The following THRA variants were observed in gnomAD, a reference collection of about 807,000 sequenced individuals.
THRA encodes the protein EAR-7.
In THRA, 13 loss-of-function variants were observed where a neutral mutation model predicts 45.0. The ratio of observed to expected loss-of-function variants is 0.29; its 90% CI spans 0.19 to 0.46. The LOEUF is 0.46. Ranked by LOEUF, THRA falls within the 20% of genes least tolerant of loss-of-function variation. The pLI, the probability that THRA is intolerant of heterozygous loss-of-function variation, is 1.00. For missense variants in THRA, 278 were observed against 556.1 expected, an observed-to-expected ratio of 0.50 and a Z score of 5.03; for synonymous variants, 195 against 214.0, an observed-to-expected ratio of 0.91 and a Z score of 0.78.
At chr17:40,068,461 C>T (rs1327258424) in intron 1 of THRA, among the ~76,000 whole-genome samples, 1 of 152,194 alleles carries the variant, frequency 6.6e-6, no homozygotes, top group African/African-American at 2.4e-5. Flanking sequence ...GTGGTGGGGG[C>T]ACATGTGGTT....
intron 2 of THRA, among the ~76,000 whole-genome samples, chr17:40,074,885 T>C (rs1986897146): frequency 6.6e-6 from 1 of 152,220 alleles, no homozygotes; most frequent in South Asian, 2.1e-4. Context: ...GCCTTGCCAT[T>C]TTCTTCCTCT....
chr17:40,089,725 TCTCAGAA>T lies in THRA; in HGVS notation c.*270_*276del, dbSNP rs1483219281. ...TCCTGCAGTTCCCAGGACCCCATCC[TCTCAGAA>T]GGTAGGGGAAGGGCGGGAGGATTGA... On this transcript the variant is annotated 3_prime_UTR_variant, in exon 9 of 9. Transcript: ENST00000450525. This position sits in a 1 kb window ranked among gnomAD's most constrained non-coding sequence, Gnocchi z 6.1. 7.6e-6 allele frequency: 10 copies of T among 1,312,968 alleles called. No individual in the cohort carries two copies. The highest frequency in any genetic ancestry group is 1.5e-5 in the African/African-American group (1 of 67,056). The allele number at this position is 1,312,968 out of a possible 1,614,324, so 81.3% of individuals were successfully genotyped here.
At chr17:40,081,032 A>G (rs1987120171) in intron 4 of THRA, among the ~76,000 whole-genome samples, 1 of 151,426 alleles carries the variant, frequency 6.6e-6, no homozygotes, top group Non-Finnish European at 1.5e-5. Flanking sequence ...GCCTTTGGTG[A>G]TTTTAATGCC....
chr17:40,065,476 T>G (rs1047237850), intron 1 of THRA, among the ~76,000 whole-genome samples: 2 of 152,180 alleles, frequency 1.3e-5, no homozygotes, highest in Admixed American at 6.5e-5. Flanking sequence ...TTGCAGTGTC[T>G]GATTCTCCCT....
rs891263740 is a variant in THRA at position 40,084,551 on chromosome 17, C to G, written c.371-59C>G. On this transcript the variant is annotated intron_variant, in intron 5 of 8. Transcript: ENST00000450525. ...CTCTAGGAAGAGTAGTTTCCGGGAG[C>G]ATTATGGAAAGGGGATGGAGGGTGC... 59 of 1,576,044 alleles carry G rather than the reference C, an allele frequency of 3.7e-5. No homozygotes were observed. In the African/African-American group the frequency reaches 8.0e-4, roughly 21 times the overall value.
At chr17:40,087,046 G>GACACATACACGGAC in intron 7 of THRA, 193 bp downstream of exon 7, 1 of 653,840 alleles carries the variant, frequency 1.5e-6, no homozygotes, top group Non-Finnish European at 2.5e-6. Flanking sequence ...CACACATGCA[G>GACACATACACGGAC]ACACATACAC....
chr17:40,084,852 G>A (rs145316838), intron 6 of THRA, 37 bp downstream of exon 6: 517 of 1,608,340 alleles, frequency 3.2e-4, no homozygotes, highest in Non-Finnish European at 4.2e-4. Context: ...GCAGTAGCCA[G>A]GTGGCAGGGA....
chr17:40,072,519 G>T (rs572945686), intron 1 of THRA, among the ~76,000 whole-genome samples: 1 of 152,218 alleles, frequency 6.6e-6, no homozygotes, highest in African/African-American at 2.4e-5. Flanking sequence ...CCACAGCCAG[G>T]GTGTGCCAAG....
chr17:40,089,572 T>C lies in THRA; in HGVS notation c.*116T>C. 1.4e-6 allele frequency: 2 copies of C among 1,472,200 alleles called. No homozygotes were observed. The highest frequency in any genetic ancestry group is 1.8e-6 in the Non-Finnish European group (2 of 1,115,964). 91.2% of individuals were successfully genotyped at this position (1,472,200 alleles called of 1,614,324 possible). A position where few individuals can be genotyped will look rare whatever the true frequency, so the allele number is the denominator to read the frequency against. On this transcript the variant is annotated 3_prime_UTR_variant, in exon 9 of 9. Transcript: ENST00000450525. The surrounding 1 kb of genome is among the most constrained non-coding windows in gnomAD (Gnocchi z 6.1). ...CCCCTTCTCTCCTTCCTCTCGTCCT[T>C]GGATAGATTCAGCTCCCACACACAC...
At chr17:40,082,658 G>A (rs1469671166) in intron 4 of THRA, among the ~76,000 whole-genome samples, 2 of 151,964 alleles carry the variant, frequency 1.3e-5, no homozygotes, top group African/African-American at 4.8e-5. Flanking sequence ...CACCGCGCCC[G>A]GCCAAGGGGT....
chr17:40,088,197 G>A lies in THRA; in HGVS notation c.724-45G>A, dbSNP rs576623841. The A allele has an allele frequency of 1.3e-5, 20 of 1,545,960 alleles. No homozygotes were observed. The African/African-American group carries it at 1.9e-4, about 15-fold the overall frequency. On this transcript the variant is annotated intron_variant, in intron 7 of 8. Transcript: ENST00000450525. ...CACTCTAGGGGAGACTCAAGGACGC[G>A]GGGAGGGGTATGCTGAGTGCTCCTG...
At chr17:40,088,606 A>T in intron 8 of THRA, 106 bp downstream of exon 8, 1 of 1,413,472 alleles carries the variant, frequency 7.1e-7, no homozygotes, top group Non-Finnish European at 9.6e-7. Context: ...CTTCTGGGCT[A>T]CCTCTCTGTC....
At chr17:40,076,511 T>C (rs1986959117) in intron 2 of THRA, among the ~76,000 whole-genome samples, 1 of 152,208 alleles carries the variant, frequency 6.6e-6, no homozygotes, top group African/African-American at 2.4e-5. Context: ...TATGTGTGTG[T>C]TCTAAAGGCT....
chr17:40,071,848 G>A (rs1875647022), intron 1 of THRA, among the ~76,000 whole-genome samples: 2 of 152,182 alleles, frequency 1.3e-5, no homozygotes, highest in African/African-American at 4.8e-5. Context: ...AAAGGCCCAA[G>A]TGTGTCCCTG....
chr17:40,084,054 C>T, intron 5 of THRA, 72 bp downstream of exon 5: 5 of 1,508,446 alleles, frequency 3.3e-6, no homozygotes, highest in Non-Finnish European at 4.5e-6. Flanking sequence ...GGGCAGCTTC[C>T]TTCCAGGGTA....
At chr17:40,093,016 A>AAAGGAGAGAG, downstream of THRA, 2 of 1,607,206 alleles carry the variant, frequency 1.2e-6, no homozygotes, top group Admixed American at 3.3e-5. This position sits in a 1 kb window ranked among gnomAD's most constrained non-coding sequence, Gnocchi z 5.9. Flanking sequence ...TTCGTCTCGT[A>AAAGGAGAGAG]AAGGAGAGAG....
intron 1 of THRA, among the ~76,000 whole-genome samples, chr17:40,066,222 G>A (rs1240555181): frequency 6.6e-6 from 1 of 152,174 alleles, no homozygotes; most frequent in South Asian, 2.1e-4. Context: ...AGGAGACATC[G>A]AGCCCGGGGG....
intron 1 of THRA, among the ~76,000 whole-genome samples, chr17:40,071,476 G>C (rs1346989389): frequency 1.3e-5 from 2 of 152,188 alleles, no homozygotes; most frequent in African/African-American, 2.4e-5. Context: ...CCCCCTCCAC[G>C]GGCACTTTGC....
intron 1 of THRA, among the ~76,000 whole-genome samples, chr17:40,066,434 C>T: frequency 6.6e-6 from 1 of 152,078 alleles, no homozygotes; most frequent in East Asian, 1.9e-4. Flanking sequence ...GAGGCGGAGG[C>T]AGGCAGATCA....
Sources: gnomAD v4.1 joint callset for allele counts (sites outside exome capture counted in the v4.1 genomes callset) on GRCh38, gnomAD v4.1.1 for gene constraint, Gnocchi (gnomAD v3.1) non-coding constraint, MANE v1.5 for transcripts, NCBI Gene and HGNC (gene_info 2026-07-23, HGNC 2026-07-21) for gene names.